PARP10: variants seen among roughly 807,000 people sequenced by gnomAD.
PARP10 encodes the protein poly(ADP-ribose) polymerase family member 10, also known as protein mono-ADP-ribosyltransferase PARP10.
In PARP10, 56 loss-of-function variants were observed where a neutral mutation model predicts 82.4. The observed-to-expected ratio is 0.68, with a 90% CI of 0.55 to 0.85. The LOEUF is 0.85. Ranked by LOEUF, PARP10 falls within the 40% of genes least tolerant of loss-of-function variation. The pLI, the probability that PARP10 is intolerant of heterozygous loss-of-function variation, is 0.00. For missense variants in PARP10, 1,227 were observed against 1,379.4 expected (o/e 0.89, Z 1.75); for synonymous variants, 576 against 601.1 (o/e 0.96, Z 0.61).
chr8:144,012,562 G>A, exon 1 of PARP10: 1 of 1,551,750 alleles, frequency 6.4e-7, no homozygotes, highest in Non-Finnish European at 8.7e-7. Context: ...CAGATAGAGA[G>A]GCTGGTGCGG....
chr8:143,996,221 G>A (rs1834164153), intron 1 of PARP10, among the ~76,000 whole-genome samples: 1 of 152,044 alleles, frequency 6.6e-6, no homozygotes, highest in African/African-American at 2.4e-5. Context: ...ACTATATGAA[G>A]GCCAAAAAGA....
At position 144,011,011 on chromosome 8, in the gene PARP10, G is replaced by T. The variant is rs1834277240; in HGVS notation, c.-80+1519C>A. Among the ~76,000 whole-genome samples the T allele has an allele frequency of 6.6e-6, 1 of 151,918 alleles. No homozygotes were observed. Among genetic ancestry groups the T allele is most frequent in the African/African-American group, 2.4e-5 (1 of 41,386 alleles). Reference sequence around the variant, plus strand: ...TAATCTCCTTTAAAGTCAACATCTTGTAGCTATTAATCACGTCTATTAGAC... The same window carrying T: ...TAATCTCCTTTAAAGTCAACATCTTTTAGCTATTAATCACGTCTATTAGAC... On this transcript the variant is annotated intron_variant, in intron 1 of 3. Coordinates refer to the PARP10 transcript ENST00000530478. The surrounding 1 kb of genome is among the most constrained non-coding windows in gnomAD (Gnocchi z 4.5).
chr8:143,983,114 G>C lies in PARP10; in HGVS notation c.2423-49C>G, dbSNP rs782054508. ...GGTCAGAGCCATGCCTGGGGCACTA[G>C]CCCCTGCTAACCAGCCCACCCCACC... On this transcript the variant is annotated intron_variant, in intron 8 of 10. Coordinates refer to ENST00000313028, the MANE Select transcript of PARP10 (RefSeq NM_032789.5). 7 of 1,613,054 alleles carry C rather than the reference G, an allele frequency of 4.3e-6. No individual in the cohort carries two copies. The Admixed American group carries it at 5.0e-5, about 12-fold the overall frequency.
At chr8:143,982,822 G>T in intron 9 of PARP10, 110 bp downstream of exon 9, 2 of 1,498,658 alleles carry the variant, frequency 1.3e-6, no homozygotes, top group East Asian at 2.3e-5. Context: ...TCAGCTCCTG[G>T]TCAGCTGACC....
upstream of PARP10, chr8:143,992,526 T>C (rs782024227): frequency 6.2e-7 from 1 of 1,614,162 alleles, no homozygotes. Flanking sequence ...GTGCTCTTCA[T>C]CTTCGCCATT....
At chr8:144,007,973 G>A (rs1014295352) in intron 1 of PARP10, among the ~76,000 whole-genome samples, 24 of 152,282 alleles carry the variant, frequency 1.6e-4, no homozygotes, top group Middle Eastern at 3.4e-3. Flanking sequence ...CCTTTTCATC[G>A]TCTGAAGTGT....
chr8:143,991,596 C>T (rs781819151), upstream of PARP10: 2 of 1,606,014 alleles, frequency 1.2e-6, no homozygotes, highest in Non-Finnish European at 1.7e-6. Context: ...AGGACAAGAC[C>T]CTGACTGTGA....
upstream of PARP10, chr8:143,991,835 GC>G: frequency 1.9e-6 from 3 of 1,607,484 alleles, no homozygotes; most frequent in Non-Finnish European, 2.6e-6. Context: ...GGCGGTGGGG[GC>G]TGTGGCTCCC....
At chr8:144,003,115 C>A (rs1314631007) in intron 1 of PARP10, among the ~76,000 whole-genome samples, 1 of 152,132 alleles carries the variant, frequency 6.6e-6, no homozygotes, top group Non-Finnish European at 1.5e-5. Context: ...CACTCCACTA[C>A]AAACAACTAA....
In PARP10 at chr8:143,978,067, C is replaced by T. The variant is rs1228668445; in HGVS notation, c.2571G>A (p.Ser857=). The change falls in exon 10 of 11, where the codon TCG becomes TCA. Residue 857 remains serine, a synonymous_variant. Transcript: ENST00000313028. Reference sequence around the variant, plus strand: ...CATACTGCTGCTGCAGCAGCGGGTGCGACACGCGCTCCACCTGCGGGGAAG... The same window carrying T: ...CATACTGCTGCTGCAGCAGCGGGTGTGACACGCGCTCCACCTGCGGGGAAG... ...SIRVVRVERV[S]HPLLQQQYEL... The T allele has an allele frequency of 5.2e-6, 8 of 1,528,708 alleles. No homozygotes were observed. Among genetic ancestry groups the T allele is most frequent in the Admixed American group, 3.8e-5 (2 of 52,474 alleles). 94.7% of individuals were successfully genotyped at this position (1,528,708 alleles called of 1,614,324 possible). A position where few individuals can be genotyped will look rare whatever the true frequency, so the allele number is the denominator to read the frequency against.
chr8:143,983,361 C>T lies in PARP10; in HGVS notation c.2228G>A (p.Arg743His), dbSNP rs367669849. 17 of 1,606,774 alleles carry T rather than the reference C, an allele frequency of 1.1e-5. No individual in the cohort carries two copies. The highest frequency in any genetic ancestry group is 3.3e-4 in the Middle Eastern group (2 of 6,056). ...ACGCAGCTCTGCAGGCAGTGTGCGGCGCCAGGGCCCCACCGTCTCCTCCTG... is the reference window on the plus strand; with the variant it reads ...ACGCAGCTCTGCAGGCAGTGTGCGGTGCCAGGGCCCCACCGTCTCCTCCTG... Reference protein sequence around the residue: ...HVQEETVGPWRRTLPAELRAR... With the variant: ...HVQEETVGPWHRTLPAELRAR... Residue 743 changes from arginine (R) to histidine (H), a missense_variant, in exon 8 of 11, where the codon CGC becomes CAC. Transcript: ENST00000313028.
chr8:144,008,244 G>A lies in PARP10; in HGVS notation c.-80+4286C>T, dbSNP rs782443555. ...CCCAGCATGGAGGCAGCACGTTGGGGCCTGTCAGGTGGATGGAACAGAGGG... is the reference window on the plus strand; with the variant it reads ...CCCAGCATGGAGGCAGCACGTTGGGACCTGTCAGGTGGATGGAACAGAGGG... On this transcript the variant is annotated intron_variant, in intron 1 of 3. Transcript: ENST00000530478. This position sits in a 1 kb window ranked among gnomAD's most constrained non-coding sequence, Gnocchi z 4.0. Among the ~76,000 whole-genome samples, 5 of 152,222 alleles carry A rather than the reference G, an allele frequency of 3.3e-5. No individual in the cohort carries two copies. The highest frequency in any genetic ancestry group is 1.3e-4 in the Admixed American group (2 of 15,286).
At chr8:143,998,133 G>A (rs782414144) in intron 1 of PARP10, among the ~76,000 whole-genome samples, 11 of 152,106 alleles carry the variant, frequency 7.2e-5, no homozygotes, top group Non-Finnish European at 1.2e-4. Flanking sequence ...ATGTAGCTGA[G>A]CAGGAATGTA....
At position 143,982,838 on chromosome 8, in the gene PARP10, G is replaced by A. The variant is rs1234937041; in HGVS notation, c.2556+94C>T. On this transcript the variant is annotated intron_variant, in intron 9 of 10. Transcript: ENST00000313028. ...CAGCTCCTGGTCAGCTGACCTTGAT[G>A]TAGGCGAGAGGGACAGGCCACAGAC... is the stretch of plus-strand genomic sequence containing the variant. 1.9e-6 allele frequency: 3 copies of A among 1,539,474 alleles called. No homozygotes were observed. In the African/African-American group the frequency reaches 4.1e-5, roughly 21 times the overall value.
At chr8:144,006,775 C>T (rs1163233483) in intron 1 of PARP10, among the ~76,000 whole-genome samples, 2 of 152,226 alleles carry the variant, frequency 1.3e-5, no homozygotes, top group African/African-American at 4.8e-5. Flanking sequence ...AGAATGCAGA[C>T]ATCTGCGCAC....
chr8:143,992,846 G>C (rs201483446), upstream of PARP10: 7 of 1,612,110 alleles, frequency 4.3e-6, no homozygotes, highest in African/African-American at 6.7e-5. Flanking sequence ...GAGTAGCCGA[G>C]CTCCAGCTCG....
chr8:144,012,707 T>G, exon 1 of PARP10: 1 of 1,551,596 alleles, frequency 6.4e-7, no homozygotes, highest in South Asian at 1.2e-5. Context: ...CAGCAGGCCT[T>G]TCCTCACGCC....
intron 1 of PARP10, among the ~76,000 whole-genome samples, chr8:144,006,422 G>A (rs1451209802): frequency 6.6e-6 from 1 of 152,254 alleles, no homozygotes; most frequent in East Asian, 1.9e-4. Context: ...AAGCTGGGAA[G>A]TGGTGCTTCT....
chr8:143,991,868 C>G, upstream of PARP10: 8 of 1,610,672 alleles, frequency 5.0e-6, no homozygotes, highest in Non-Finnish European at 6.8e-6. Context: ...CTGAGCGGCT[C>G]CTTCCCCAGG....
Sources: allele counts gnomAD v4.1 joint callset (sites outside exome capture counted in the v4.1 genomes callset), GRCh38; gene constraint gnomAD v4.1.1; non-coding constraint Gnocchi (gnomAD v3.1); transcripts MANE v1.5; gene names NCBI Gene and HGNC (gene_info 2026-07-23, HGNC 2026-07-21).